Variants in MACROD2 observed in about 807,000 individuals in gnomAD.
The protein encoded by MACROD2 is ADP-ribose glycohydrolase MACROD2.
A neutral mutation model predicts 70.4 loss-of-function variants in MACROD2; 36 were observed. The observed-to-expected ratio is 0.51, with a 90% CI of 0.39 to 0.68. The LOEUF (loss-of-function observed/expected upper bound fraction) is 0.68, where lower values mean the gene tolerates loss of function less well. Among genes scored for constraint, MACROD2 ranks in the 30% least tolerant of loss-of-function variants. MACROD2 has a pLI of 0.00. For missense variants in MACROD2, 496 were observed against 538.4 expected, an observed-to-expected ratio of 0.92 and a Z score of 0.78; for synonymous variants, 172 against 178.8, an observed-to-expected ratio of 0.96 and a Z score of 0.30.
At chr20:14,653,642 C>G (rs1208780285) in intron 4 of MACROD2, among the ~76,000 whole-genome samples, 1 of 152,084 alleles carries the variant, frequency 6.6e-6, no homozygotes, top group Non-Finnish European at 1.5e-5. Context: ...AGGCATGAGC[C>G]ACTGCACCTT....
At chr20:16,030,446 A>T (rs986838225) in intron 15 of MACROD2, among the ~76,000 whole-genome samples, 1 of 152,206 alleles carries the variant, frequency 6.6e-6, no homozygotes, top group Non-Finnish European at 1.5e-5. Context: ...CTGCAAGCAC[A>T]CTGAAACCTT....
intron 5 of MACROD2, among the ~76,000 whole-genome samples, chr20:15,057,472 G>C (rs1003044451): frequency 6.6e-6 from 1 of 152,178 alleles, no homozygotes; most frequent in Non-Finnish European, 1.5e-5. Context: ...AAATGAGCAG[G>C]CCAAGCTGCA....
chr20:15,678,789 G>A (rs894472286), intron 8 of MACROD2, among the ~76,000 whole-genome samples: 2 of 121,740 alleles, frequency 1.6e-5, no homozygotes, highest in South Asian at 2.6e-4. Context: ...GGGCACAGTG[G>A]TGTGTTGGGA....
intron 6 of MACROD2, among the ~76,000 whole-genome samples, chr20:15,369,728 C>T (rs2045464794): frequency 6.6e-6 from 1 of 152,086 alleles, no homozygotes; most frequent in Non-Finnish European, 1.5e-5. Flanking sequence ...AGGAGGAAAG[C>T]CTACAGCGTT....
intron 15 of MACROD2, among the ~76,000 whole-genome samples, chr20:16,006,855 A>G (rs1185822296): frequency 2.6e-5 from 4 of 152,178 alleles, no homozygotes; most frequent in Non-Finnish European, 1.5e-5. Flanking sequence ...AATAAAAGGA[A>G]CCAATGCCAA....
chr20:15,935,060 C>T (rs917538332), intron 11 of MACROD2, among the ~76,000 whole-genome samples: 6 of 152,240 alleles, frequency 3.9e-5, no homozygotes, highest in South Asian at 2.1e-4. Context: ...CTCACACACA[C>T]GTATGCATGC....
At chr20:15,702,245 C>G (rs1374648372) in intron 8 of MACROD2, among the ~76,000 whole-genome samples, 1 of 152,204 alleles carries the variant, frequency 6.6e-6, no homozygotes, top group Non-Finnish European at 1.5e-5. Flanking sequence ...CTCCAACTTG[C>G]TTTCCACAGT....
intron 3 of MACROD2, among the ~76,000 whole-genome samples, chr20:14,180,752 T>A (rs2081298928): frequency 6.6e-6 from 1 of 152,110 alleles, no homozygotes; most frequent in African/African-American, 2.4e-5. Flanking sequence ...AGAATAAAAG[T>A]GCCACTTTGT....
chr20:14,073,809 G>A (rs1393382801), intron 2 of MACROD2, among the ~76,000 whole-genome samples: 1 of 152,200 alleles, frequency 6.6e-6, no homozygotes, highest in Non-Finnish European at 1.5e-5. Flanking sequence ...CTCAGAGGAG[G>A]AAGTAGAAGG....
At chr20:15,495,022 G>T (rs4814388) in intron 7 of MACROD2, among the ~76,000 whole-genome samples, 18,248 of 152,000 alleles carry the variant, frequency 0.12, 1,383 homozygotes, top group East Asian at 0.23. Flanking sequence ...TTCATGGCTT[G>T]TTCAGCCTCA....
intron 3 of MACROD2, among the ~76,000 whole-genome samples, chr20:14,444,171 T>C (rs1445658539): frequency 6.6e-6 from 1 of 152,088 alleles, no homozygotes; most frequent in Non-Finnish European, 1.5e-5. Flanking sequence ...AAGAAAAAGT[T>C]TAGGATAAAT....
chr20:14,762,516 T>C (rs924910347), intron 5 of MACROD2, among the ~76,000 whole-genome samples: 3 of 152,120 alleles, frequency 2.0e-5, no homozygotes, highest in East Asian at 1.9e-4. Context: ...GATCATAGGA[T>C]TGGACATTCT....
At chr20:15,252,840 C>T (rs1037935736) in intron 6 of MACROD2, among the ~76,000 whole-genome samples, 12 of 152,176 alleles carry the variant, frequency 7.9e-5, no homozygotes, top group Non-Finnish European at 1.8e-4. Flanking sequence ...TCCACAGACT[C>T]ACCAGAGAAG....
At chr20:15,470,564 G>A (rs1474619629) in intron 7 of MACROD2, among the ~76,000 whole-genome samples, 1 of 152,072 alleles carries the variant, frequency 6.6e-6, no homozygotes, top group Non-Finnish European at 1.5e-5. Context: ...TGCACTTCCG[G>A]GCCACTTTCT....
At position 14,674,527 on chromosome 20, in the gene MACROD2, G is replaced by T. The variant is rs2070835170; in HGVS notation, c.302-10316G>T. On this transcript the variant is annotated intron_variant, in intron 4 of 17. Coordinates refer to ENST00000684519, the MANE Select transcript of MACROD2 (RefSeq NM_001351661.2). ...GTCCTATGAGGGATCCCATTTTAAA[G>T]ATGAGAAAATCAAGAAAAAGAGATT... Among the ~76,000 whole-genome samples, 2 of 152,118 alleles carry T rather than the reference G, an allele frequency of 1.3e-5. 1 individual carries two copies. Among genetic ancestry groups the T allele is most frequent in the South Asian group, 4.2e-4 (2 of 4,818 alleles).
At chr20:15,153,033 G>A (rs2145863705) in intron 5 of MACROD2, among the ~76,000 whole-genome samples, 1 of 152,190 alleles carries the variant, frequency 6.6e-6, no homozygotes, top group African/African-American at 2.4e-5. Flanking sequence ...ATGTTTCTTG[G>A]GCTGGTCAGT....
intron 3 of MACROD2, among the ~76,000 whole-genome samples, chr20:14,454,938 G>A (rs142279769): frequency 0.019 from 2,907 of 151,912 alleles, 111 homozygotes; most frequent in African/African-American, 0.066. Flanking sequence ...ATTTTTAGTA[G>A]AGACGGGGTT....
intron 6 of MACROD2, among the ~76,000 whole-genome samples, chr20:15,276,188 C>G (rs189419006): frequency 6.6e-6 from 1 of 152,168 alleles, no homozygotes; most frequent in African/African-American, 2.4e-5. Flanking sequence ...ATCACAAGGT[C>G]AGGAGATCGA....
chr20:14,376,742 C>T, intron 3 of MACROD2, among the ~76,000 whole-genome samples: 1 of 138,972 alleles, frequency 7.2e-6, no homozygotes, highest in East Asian at 2.1e-4. Context: ...AGAATGAGAG[C>T]CTGTCTCAAA....
Sources: gnomAD v4.1 joint callset for allele counts (sites outside exome capture counted in the v4.1 genomes callset) on GRCh38, gnomAD v4.1.1 for gene constraint, MANE v1.5 for transcripts, NCBI Gene and HGNC (gene_info 2026-07-23, HGNC 2026-07-21) for gene names.